Variants in SPTLC1 observed in about 807,000 individuals in gnomAD.
The protein encoded by SPTLC1 is serine palmitoyltransferase 1.
Under a neutral mutation model 68.9 loss-of-function variants are expected in SPTLC1, and 55 were observed. The observed-to-expected ratio is 0.80, with a 90% CI of 0.64 to 1.00. SPTLC1 has a LOEUF of 1.00. Among genes scored for constraint, SPTLC1 ranks in the 50% least tolerant of loss-of-function variants. SPTLC1 has a pLI of 0.00. For missense variants in SPTLC1, 449 were observed against 573.1 expected, an observed-to-expected ratio of 0.78 and a Z score of 2.21; for synonymous variants, 197 against 201.6, an observed-to-expected ratio of 0.98 and a Z score of 0.19.
intron 3 of SPTLC1, among the ~76,000 whole-genome samples, chr9:92,098,201 AGCATT>A (rs1324102107): frequency 1.3e-5 from 2 of 152,080 alleles, no homozygotes; most frequent in Non-Finnish European, 2.9e-5. Context: ...ACCCTGACTC[AGCATT>A]TCCGGGTTCA....
intron 6 of SPTLC1, among the ~76,000 whole-genome samples, chr9:92,067,192 A>G (rs7865994): frequency 0.16 from 24,180 of 150,870 alleles, 2,787 homozygotes; most frequent in African/African-American, 0.33. Flanking sequence ...CCAGCTACTC[A>G]GGAGACTGAG....
At chr9:92,090,774 A>T (rs1835333310) in intron 3 of SPTLC1, among the ~76,000 whole-genome samples, 1 of 152,032 alleles carries the variant, frequency 6.6e-6, no homozygotes, top group Admixed American at 6.5e-5. Context: ...GGAACAAAAG[A>T]CCACTTCTGT....
chr9:92,032,145 C>T lies in SPTLC1; in HGVS notation c.*320G>A, dbSNP rs542032121. On this transcript the variant is annotated 3_prime_UTR_variant, in exon 15 of 15. Transcript: ENST00000262554. Reference sequence around the variant, plus strand: ...GAGACACTGAAGCTCCAGTTTTAAACGACAACAAAAGAATATAAAATACTA... The same window carrying T: ...GAGACACTGAAGCTCCAGTTTTAAATGACAACAAAAGAATATAAAATACTA... 3.7e-5 allele frequency: 32 copies of T among 857,300 alleles called. 1 individual carries two copies. In the South Asian group the frequency reaches 3.8e-4, roughly 10 times the overall value. The allele number at this position is 857,300 out of a possible 1,614,324, so 53.1% of individuals were successfully genotyped here.
intron 1 of SPTLC1, 37 bp from the exon 2 acceptor site, chr9:92,112,599 T>C (rs371178321): frequency 1.2e-4 from 166 of 1,350,252 alleles, no homozygotes; most frequent in Middle Eastern, 9.0e-4. Flanking sequence ...ATATGAAACA[T>C]ACACTTCTAA....
At position 92,032,453 on chromosome 9, in the gene SPTLC1, C is replaced by A; in HGVS notation, c.*12G>T. Reference sequence around the variant, plus strand: ...TGTTGTGTGGCAGGAGGCCATGGTCCCGGGACTCTGCCTAGAGCAGGACGG... The same window carrying A: ...TGTTGTGTGGCAGGAGGCCATGGTCACGGGACTCTGCCTAGAGCAGGACGG... On this transcript the variant is annotated 3_prime_UTR_variant, in exon 15 of 15. Coordinates refer to ENST00000262554, the MANE Select transcript of SPTLC1 (RefSeq NM_006415.4). 1 of 1,614,154 alleles carries A rather than the reference C, an allele frequency of 6.2e-7. No individual in the cohort carries two copies. Among genetic ancestry groups the A allele is most frequent in the South Asian group, 1.1e-5 (1 of 91,088 alleles).
intron 3 of SPTLC1, among the ~76,000 whole-genome samples, chr9:92,088,191 G>A (rs996259435): frequency 4.6e-5 from 7 of 152,232 alleles, no homozygotes; most frequent in Admixed American, 1.3e-4. Flanking sequence ...CTGACCCCTT[G>A]CGCTTCCCAA....
chr9:92,069,402 C>A (rs896846308), intron 5 of SPTLC1, among the ~76,000 whole-genome samples: 1 of 152,152 alleles, frequency 6.6e-6, no homozygotes, highest in Non-Finnish European at 1.5e-5. Flanking sequence ...ATAAAAAGGA[C>A]ACTTTTCATT....
At chr9:92,075,187 T>A (rs1834639239) in intron 5 of SPTLC1, among the ~76,000 whole-genome samples, 1 of 152,078 alleles carries the variant, frequency 6.6e-6, no homozygotes, top group Admixed American at 6.5e-5. Context: ...AAGCTCAAAT[T>A]TCTACTTATC....
intron 8 of SPTLC1, among the ~76,000 whole-genome samples, chr9:92,053,177 G>A (rs1212600587): frequency 6.6e-6 from 1 of 151,510 alleles, no homozygotes; most frequent in Non-Finnish European, 1.5e-5. Flanking sequence ...GCCATTTGGG[G>A]GAAACAGGAT....
In SPTLC1 at chr9:92,113,082, G is replaced by A. The variant is rs549628513; in HGVS notation, c.58-520C>T. Among the ~76,000 whole-genome samples, 6 of 152,164 alleles carry A rather than the reference G, an allele frequency of 3.9e-5. No individual in the cohort carries two copies. The South Asian group carries it at 1.0e-3, about 26-fold the overall frequency. On this transcript the variant is annotated intron_variant, in intron 1 of 14. Coordinates refer to ENST00000262554, the MANE Select transcript of SPTLC1 (RefSeq NM_006415.4). ...AGATCACACCACTGCACTCCAGCCTGGGCAACAGGAGCAAAACTCCGTCTC... is the reference window on the plus strand; with the variant it reads ...AGATCACACCACTGCACTCCAGCCTAGGCAACAGGAGCAAAACTCCGTCTC...
chr9:92,092,754 T>C (rs1587594603), intron 3 of SPTLC1, among the ~76,000 whole-genome samples: 1 of 152,238 alleles, frequency 6.6e-6, no homozygotes, highest in South Asian at 2.1e-4. Context: ...AAAAAAAGTA[T>C]AGCCTACAGC....
At chr9:92,071,590 A>G (rs923920859) in intron 5 of SPTLC1, among the ~76,000 whole-genome samples, 1 of 152,224 alleles carries the variant, frequency 6.6e-6, no homozygotes, top group African/African-American at 2.4e-5. Flanking sequence ...GATTGTTCCC[A>G]CTTACACCTG....
intron 6 of SPTLC1, among the ~76,000 whole-genome samples, chr9:92,064,300 A>G (rs1351798461): frequency 6.6e-6 from 1 of 152,194 alleles, no homozygotes; most frequent in Non-Finnish European, 1.5e-5. Context: ...ACTCATTAGT[A>G]TAAAAACAAA....
chr9:92,060,611 A>C (rs1299853241), intron 6 of SPTLC1, among the ~76,000 whole-genome samples: 1 of 152,118 alleles, frequency 6.6e-6, no homozygotes, highest in Middle Eastern at 3.2e-3. Context: ...AAGCAATAGA[A>C]ATTATTCACT....
chr9:92,107,624 C>A (rs1167413166), intron 3 of SPTLC1, among the ~76,000 whole-genome samples: 2 of 152,138 alleles, frequency 1.3e-5, no homozygotes, highest in East Asian at 3.9e-4. Flanking sequence ...TGGCAGCATG[C>A]GCCTGTAGTC....
intron 3 of SPTLC1, among the ~76,000 whole-genome samples, chr9:92,087,613 C>T (rs183977536): frequency 0.034 from 5,169 of 152,256 alleles, 155 homozygotes; most frequent in South Asian, 0.11. Flanking sequence ...AGTTTTGTCT[C>T]AGAGGAGTAC....
At position 92,032,512 on chromosome 9, in the gene SPTLC1, T is replaced by C. The variant is rs1832999015; in HGVS notation, c.1375A>G (p.Arg459Gly). 2 of 1,614,162 alleles carry C rather than the reference T, an allele frequency of 1.2e-6. No individual in the cohort carries two copies. The highest frequency in any genetic ancestry group is 1.7e-6 in the Non-Finnish European group (2 of 1,180,032). ...ACCTCCTTGATGGTGGACGCAGCTCTCTCCAGTTCTTCCTCTGTTTGTTCC... is the reference window on the plus strand; with the variant it reads ...ACCTCCTTGATGGTGGACGCAGCTCCCTCCAGTTCTTCCTCTGTTTGTTCC... Reference protein sequence around the residue: ...TVEQTEEELERAASTIKEVAQ... With the variant: ...TVEQTEEELEGAASTIKEVAQ... The change falls in exon 15 of 15, where the codon AGA becomes GGA. Residue 459 changes from arginine (R) to glycine (G), a missense_variant. Physicochemically the swap from Arg to Gly is moderately radical, Grantham distance 125. Transcript: ENST00000262554.
At chr9:92,037,879 T>C (rs991595203) in intron 13 of SPTLC1, among the ~76,000 whole-genome samples, 2 of 152,174 alleles carry the variant, frequency 1.3e-5, no homozygotes, top group Admixed American at 6.5e-5. Flanking sequence ...CCACACACAA[T>C]GCCTCCCCCA....
chr9:92,082,576 T>G (rs535595080), intron 3 of SPTLC1, among the ~76,000 whole-genome samples: 1 of 151,598 alleles, frequency 6.6e-6, no homozygotes, highest in East Asian at 1.9e-4. Context: ...AACTCATCAT[T>G]TTTTATGGCT....
Sources: gnomAD v4.1 joint callset for allele counts (sites outside exome capture counted in the v4.1 genomes callset) on GRCh38, gnomAD v4.1.1 for gene constraint, MANE v1.5 for transcripts, NCBI Gene and HGNC (gene_info 2026-07-23, HGNC 2026-07-21) for gene names.